SLC25A26: variants seen among roughly 807,000 people sequenced by gnomAD.
The protein encoded by SLC25A26 is mitochondrial S-adenosylmethionine carrier protein.
In SLC25A26, 36 loss-of-function variants were observed where a neutral mutation model predicts 37.8. The observed-to-expected ratio is 0.95, with a 90% CI of 0.73 to 1.26. SLC25A26 has a LOEUF of 1.26. Ranked by LOEUF, SLC25A26 falls within the 50% of genes most tolerant of loss-of-function variation. The pLI is 0.00. For synonymous variants in SLC25A26, 129 were observed against 122.5 expected (o/e 1.05, Z -0.35); for missense variants, 390 against 331.1 (o/e 1.18, Z -1.38).
intron 7 of SLC25A26, among the ~76,000 whole-genome samples, chr3:66,365,563 T>A (rs1380208122): frequency 6.6e-6 from 1 of 152,188 alleles, no homozygotes; most frequent in Non-Finnish European, 1.5e-5. Flanking sequence ...TATATTTTGA[T>A]TAGTTTCTCA....
intron 1 of SLC25A26, among the ~76,000 whole-genome samples, chr3:66,144,444 A>T (rs1439079154): frequency 6.6e-6 from 1 of 152,188 alleles, no homozygotes; most frequent in East Asian, 1.9e-4. Flanking sequence ...GTGTTCCCCA[A>T]GCACTTCTCA....
At chr3:66,374,670 G>GC (rs1462455336) in intron 9 of SLC25A26, among the ~76,000 whole-genome samples, 1 of 152,168 alleles carries the variant, frequency 6.6e-6, no homozygotes, top group Non-Finnish European at 1.5e-5. Context: ...GATGGCTTGA[G>GC]CCCAAGAGTT....
chr3:66,330,883 A>G (rs563600436), intron 5 of SLC25A26, among the ~76,000 whole-genome samples: 43 of 152,296 alleles, frequency 2.8e-4, no homozygotes, highest in African/African-American at 9.4e-4. Flanking sequence ...CTACCAGCCT[A>G]TAGCTGTTTG....
At chr3:66,291,592 G>T (rs2074710440) in intron 5 of SLC25A26, among the ~76,000 whole-genome samples, 1 of 152,128 alleles carries the variant, frequency 6.6e-6, no homozygotes, top group African/African-American at 2.4e-5. Flanking sequence ...AGGTTGTTCA[G>T]TTTCCATGTA....
chr3:66,251,178 G>A (rs1576716011), intron 3 of SLC25A26, among the ~76,000 whole-genome samples: 1 of 152,240 alleles, frequency 6.6e-6, no homozygotes, highest in African/African-American at 2.4e-5. Context: ...GAGCTATAGG[G>A]CCTTGCCTGC....
intron 1 of SLC25A26, among the ~76,000 whole-genome samples, chr3:66,209,898 T>TATA (rs2071256377): frequency 9.6e-4 from 37 of 38,572 alleles, no homozygotes; most frequent in African/African-American, 1.7e-3. Flanking sequence ...CTCTCTCTAT[T>TATA]TATATATATA....
chr3:66,255,797 A>G (rs370030473), intron 3 of SLC25A26, among the ~76,000 whole-genome samples: 221 of 152,312 alleles, frequency 1.5e-3, no homozygotes, highest in African/African-American at 5.0e-3. Flanking sequence ...ATAGAAAACC[A>G]AATGGAAGGC....
intron 5 of SLC25A26, among the ~76,000 whole-genome samples, chr3:66,266,830 C>T (rs1471402031): frequency 6.6e-6 from 1 of 152,120 alleles, no homozygotes; most frequent in Non-Finnish European, 1.5e-5. Context: ...TAGATGCTTT[C>T]ATATCCAGGA....
At chr3:66,180,641 G>A (rs988861550) in intron 1 of SLC25A26, among the ~76,000 whole-genome samples, 2 of 152,062 alleles carry the variant, frequency 1.3e-5, no homozygotes, top group Admixed American at 6.6e-5. Flanking sequence ...GCAGAAGTCA[G>A]AGCTGAAAAA....
At chr3:66,257,790 G>A (rs951805102) in intron 3 of SLC25A26, among the ~76,000 whole-genome samples, 1 of 152,024 alleles carries the variant, frequency 6.6e-6, no homozygotes, top group Admixed American at 6.6e-5. Flanking sequence ...TTCACACGAC[G>A]GTAGTGTACA....
Position 66,250,379 on chromosome 3 carries a change from G to A in SLC25A26, c.300+7067G>A, listed in dbSNP as rs546842219. Among the ~76,000 whole-genome samples the A allele has an allele frequency of 8.5e-5, 13 of 152,316 alleles. No homozygotes were observed. The South Asian group carries it at 2.5e-3, about 29-fold the overall frequency. On this transcript the variant is annotated intron_variant, in intron 3 of 9. Transcript: ENST00000354883. ...AGTGTTACAGGCATTTTTAAGAAAA[G>A]GAACTATAGACGGTCCGTGACTTAC... is the stretch of plus-strand genomic sequence containing the variant.
At chr3:66,335,247 T>C (rs1307473939) in intron 5 of SLC25A26, among the ~76,000 whole-genome samples, 4 of 151,858 alleles carry the variant, frequency 2.6e-5, no homozygotes, top group South Asian at 4.2e-4. Context: ...TCTCAACATC[T>C]GGATGGTGGT....
At chr3:66,265,240 G>C (rs543566450) in intron 5 of SLC25A26, among the ~76,000 whole-genome samples, 1 of 152,076 alleles carries the variant, frequency 6.6e-6, no homozygotes, top group Admixed American at 6.6e-5. Flanking sequence ...CTGGGATGTC[G>C]AGGCTGCAGT....
At position 66,342,161 on chromosome 3, in the gene SLC25A26, G is replaced by A. The variant is rs1460195601; in HGVS notation, c.454-4203G>A. ...TGTAGATCTCTTGAAAATTGCAATG[G>A]GCCAGTCCTTGGATCCACTCTGCTA... On this transcript the variant is annotated intron_variant, in intron 5 of 9. Transcript: ENST00000354883. Among the ~76,000 whole-genome samples the A allele has an allele frequency of 2.6e-5, 4 of 151,634 alleles. No homozygotes were observed. The East Asian group carries it at 7.8e-4, about 29-fold the overall frequency.
At chr3:66,309,349 A>G (rs1029811717) in intron 5 of SLC25A26, among the ~76,000 whole-genome samples, 4 of 152,052 alleles carry the variant, frequency 2.6e-5, no homozygotes, top group African/African-American at 9.7e-5. Flanking sequence ...TTATGGGATT[A>G]GTGGTGATAT....
chr3:66,209,068 AC>A lies in SLC25A26; in HGVS notation c.-353-11673del, dbSNP rs2071231145. 1.5e-3 allele frequency among the ~76,000 whole-genome samples: 11 copies of A among 7,152 alleles called. 1 individual carries two copies. Among genetic ancestry groups the A allele is most frequent in the East Asian group, 0.015 (3 of 204 alleles). The allele number at this position is 7,152 out of a possible 152,430, so 4.7% of individuals were successfully genotyped here. On this transcript the variant is annotated intron_variant, in intron 1 of 10. Coordinates refer to the SLC25A26 transcript ENST00000676754. ...TATATATATATATATATATATATAC[AC>A]ACACACACCCATATAAAGATGTATA...
chr3:66,360,371 G>A (rs759102897), intron 6 of SLC25A26, among the ~76,000 whole-genome samples: 1 of 152,028 alleles, frequency 6.6e-6, no homozygotes. Flanking sequence ...CCATTATTCT[G>A]AAGGTCCTAC....
intron 1 of SLC25A26, among the ~76,000 whole-genome samples, chr3:66,176,142 T>C (rs1043805493): frequency 9.9e-5 from 15 of 152,228 alleles, no homozygotes; most frequent in African/African-American, 3.6e-4. Flanking sequence ...ATCTTGAAAT[T>C]GGTACCCTAC....
intron 5 of SLC25A26, among the ~76,000 whole-genome samples, chr3:66,309,631 T>A (rs1194720202): frequency 6.6e-6 from 1 of 152,234 alleles, no homozygotes; most frequent in Non-Finnish European, 1.5e-5. Context: ...CACTTTCGCC[T>A]GTGTGCATTA....
Sources: allele counts gnomAD v4.1 joint callset (sites outside exome capture counted in the v4.1 genomes callset), GRCh38; gene constraint gnomAD v4.1.1; transcripts MANE v1.5; gene names NCBI Gene and HGNC (gene_info 2026-07-23, HGNC 2026-07-21).